The following EHD2 variants were observed in gnomAD, a reference collection of about 807,000 sequenced individuals.
EHD2 encodes the protein EH domain-containing protein 2.
In EHD2, 27 loss-of-function variants were observed where a neutral mutation model predicts 41.0. The observed-to-expected ratio is 0.66, with a 90% CI of 0.49 to 0.91. EHD2 has a LOEUF of 0.91. EHD2 is among the 40% of genes least tolerant of loss of function. EHD2 has a pLI of 0.00. For synonymous variants in EHD2, 342 were observed against 341.0 expected, an observed-to-expected ratio of 1.00 and a Z score of -0.03; for missense variants, 673 against 773.9, an observed-to-expected ratio of 0.87 and a Z score of 1.55.
rs1280679297 is a variant in EHD2 at position 47,738,593 on chromosome 19, C to T, written c.1080+2060C>T. Among the ~76,000 whole-genome samples, 5 of 152,244 alleles carry T rather than the reference C, an allele frequency of 3.3e-5. No homozygotes were observed. The East Asian group carries it at 5.8e-4, about 18-fold the overall frequency. Reference sequence around the variant, plus strand: ...CTGGGATTGCAGGCATGAGCCACTGCGCCCGGCCTGTATTTCATTTTAATT... The same window carrying T: ...CTGGGATTGCAGGCATGAGCCACTGTGCCCGGCCTGTATTTCATTTTAATT... On this transcript the variant is annotated intron_variant, in intron 5 of 5. Coordinates refer to ENST00000263277, the MANE Select transcript of EHD2 (RefSeq NM_014601.4).
In EHD2 at chr19:47,716,252, T is replaced by A. The variant is rs1973623701; in HGVS notation, c.-55-306T>A. ...CACCACCATGCCCAGCTAATTATTT[T>A]TTTTGTAGAGATGGGGGTCTCACTA... On this transcript the variant is annotated intron_variant, in intron 1 of 5. Coordinates refer to ENST00000263277, the MANE Select transcript of EHD2 (RefSeq NM_014601.4). 3.3e-5 allele frequency among the ~76,000 whole-genome samples: 5 copies of A among 151,852 alleles called. No individual in the cohort carries two copies. The South Asian group carries it at 1.0e-3, about 32-fold the overall frequency.
rs375693637 is a variant in EHD2, at chr19:47,718,547, G to A, written c.443G>A (p.Ser148Asn). ...CAQLPNQVLE[S>N]ISIIDTPGIL... ...CAGCTCCCTAATCAGGTCCTGGAGA[G>A]CATCAGCATCATCGACACCCCGGGT... Residue 148 changes from serine to asparagine, a missense_variant, in exon 3 of 6, where the codon AGC becomes AAC. Ser to Asn is a conservative substitution (Grantham distance 46, BLOSUM62 1). Transcript: ENST00000263277. 2 of 1,588,096 alleles carry A rather than the reference G, an allele frequency of 1.3e-6. No homozygotes were observed. The highest frequency in any genetic ancestry group is 1.7e-6 in the Non-Finnish European group (2 of 1,167,006).
Position 47,716,959 on chromosome 19 carries a change from T to C in EHD2, c.347T>C (p.Val116Ala), listed in dbSNP as rs765386742. 7 of 1,606,122 alleles carry C rather than the reference T, an allele frequency of 4.4e-6. No homozygotes were observed. The highest frequency in any genetic ancestry group is 5.9e-6 in the Non-Finnish European group (7 of 1,179,964). The change falls in exon 2 of 6, where the codon GTG becomes GCG. Residue 116 changes from valine to alanine, a missense_variant. Transcript: ENST00000263277. ...ACCGTGCCCGGCAACGCCCTCGTCG[T>C]GGACCCGGACAAGCCCTTCCGCAAA... ...EGTVPGNALVVDPDKPFRKLN... is the reference protein window; with the variant it reads ...EGTVPGNALVADPDKPFRKLN...
chr19:47,729,334 T>A (rs577224275), intron 4 of EHD2, among the ~76,000 whole-genome samples: 14 of 152,164 alleles, frequency 9.2e-5, no homozygotes, highest in African/African-American at 2.9e-4. Context: ...TGTCCGGGAA[T>A]CTGTGCTTTG....
chr19:47,733,767 A>AAAAAAAAAAAAAAAAAAAAAAC (rs1966893830), intron 4 of EHD2, among the ~76,000 whole-genome samples: 2 of 149,480 alleles, frequency 1.3e-5, no homozygotes, highest in Non-Finnish European at 3.0e-5. Flanking sequence ...AAAAAAAAAA[A>AAAAAAAAAAAAAAAAAAAAAAC]AAAAAAAATC....
intron 3 of EHD2, among the ~76,000 whole-genome samples, chr19:47,720,900 G>A (rs979506334): frequency 4.0e-5 from 6 of 151,800 alleles, no homozygotes; most frequent in African/African-American, 7.3e-5. Context: ...GTGTGATTAC[G>A]TCTGTGTGTG....
intron 4 of EHD2, 59 bp downstream of exon 4, chr19:47,726,283 T>C (rs915724865): frequency 6.9e-7 from 1 of 1,443,802 alleles, no homozygotes; most frequent in African/African-American, 1.4e-5. Flanking sequence ...GGTCCTCTCC[T>C]ACCAGTGCTG....
intron 3 of EHD2, among the ~76,000 whole-genome samples, chr19:47,722,587 C>T (rs1359760261): frequency 8.9e-5 from 13 of 146,382 alleles, no homozygotes; most frequent in Middle Eastern, 3.7e-3. Context: ...TTTTTTGAGA[C>T]GGAGTTTCGC....
chr19:47,719,459 G>T lies in EHD2; in HGVS notation c.502+853G>T, dbSNP rs879393696. Reference sequence around the variant, plus strand: ...GGGGTGGATTCCAGCCGGGGCCTCCGGGCGTGCTGAGCCCTCACCACCCCT... The same window carrying T: ...GGGGTGGATTCCAGCCGGGGCCTCCTGGCGTGCTGAGCCCTCACCACCCCT... On this transcript the variant is annotated intron_variant, in intron 3 of 5. Transcript: ENST00000263277. This position sits in a 1 kb window ranked among gnomAD's most constrained non-coding sequence, Gnocchi z 4.1. Among the ~76,000 whole-genome samples, 1 of 152,058 alleles carries T rather than the reference G, an allele frequency of 6.6e-6. No individual in the cohort carries two copies. Among genetic ancestry groups the T allele is most frequent in the Non-Finnish European group, 1.5e-5 (1 of 67,984 alleles).
rs373318886 is a variant in EHD2 at position 47,740,870 on chromosome 19, C to A, written c.1081-11C>A. The A allele has an allele frequency of 6.2e-7, 1 of 1,611,286 alleles. No individual in the cohort carries two copies. The highest frequency in any genetic ancestry group is 1.7e-5 in the Admixed American group (1 of 59,286). On this transcript the variant is annotated splice_polypyrimidine_tract_variant and intron_variant, in intron 5 of 5. Transcript: ENST00000263277. ...CGCTTGAATTCTGGGTGCCCCTGTC[C>A]CCCACCACAGGAGCTGCTGATGGCG...
Position 47,726,219 on chromosome 19 carries a change from G to C in EHD2, c.910G>C (p.Val304Leu), listed in dbSNP as rs1463085708. Reference protein sequence around the residue: ...LNDLVKRARLVRVHAYIISYL... With the variant: ...LNDLVKRARLLRVHAYIISYL... The stretch of plus-strand genomic sequence containing the variant: ...CGACCTGGTGAAGAGGGCCCGGCTG[G>C]TGCGAGTGAGTAGTCCTGAGGGCTG... The change falls in exon 4 of 6, where the codon GTG (valine) becomes CTG (leucine). Residue 304 changes from valine (V) to leucine (L), a missense_variant. By Grantham distance (32) the Val-to-Leu change is conservative (BLOSUM62 1). Transcript: ENST00000263277. The C allele has an allele frequency of 2.0e-6, 3 of 1,506,920 alleles. No individual in the cohort carries two copies. In the Admixed American group the frequency reaches 7.0e-5, roughly 35 times the overall value. 93.3% of individuals were successfully genotyped at this position (1,506,920 alleles called of 1,614,324 possible).
At chr19:47,734,924 G>A (rs922077422) in intron 4 of EHD2, among the ~76,000 whole-genome samples, 2 of 151,700 alleles carry the variant, frequency 1.3e-5, no homozygotes, top group Admixed American at 6.6e-5. Flanking sequence ...ATGGTGGCAC[G>A]TGCCTGTAAT....
At chr19:47,723,813 G>C (rs7249234) in intron 3 of EHD2, among the ~76,000 whole-genome samples, 8,635 of 151,898 alleles carry the variant, frequency 0.057, 835 homozygotes, top group African/African-American at 0.19. Flanking sequence ...GAGTAGCTGA[G>C]ACTACAGATG....
At position 47,728,523 on chromosome 19, in the gene EHD2, G is replaced by A. The variant is rs546541323; in HGVS notation, c.915+2299G>A. ...TCTCCTCTCCTTTCTCTCTTTCTCT[G>A]TTTCTCTTTCTCTCTTTCTTTCTCT... On this transcript the variant is annotated intron_variant, in intron 4 of 5. Coordinates refer to ENST00000263277, the MANE Select transcript of EHD2 (RefSeq NM_014601.4). Among the ~76,000 whole-genome samples the A allele has an allele frequency of 7.0e-4, 102 of 146,120 alleles. 1 individual carries two copies. The South Asian group carries it at 0.021, about 30-fold the overall frequency.
At chr19:47,722,158 A>G (rs925147497) in intron 3 of EHD2, among the ~76,000 whole-genome samples, 1 of 152,190 alleles carries the variant, frequency 6.6e-6, no homozygotes, top group Admixed American at 6.5e-5. Context: ...TGCACACAGT[A>G]GGCGCTATGG....
intron 4 of EHD2, among the ~76,000 whole-genome samples, chr19:47,730,668 G>A (rs1397112568): frequency 6.6e-6 from 1 of 152,138 alleles, no homozygotes; most frequent in Non-Finnish European, 1.5e-5. Context: ...GTACGATGGA[G>A]GGTGTGGACG....
Position 47,716,681 on chromosome 19 carries a change from G to T in EHD2, c.69G>T (p.Ser23=). ...QQPEAIRTVT[S]ALKELYRTKL... is the part of the protein sequence containing the mutation. ...CCGAGGCCATCCGCACGGTGACCTCGGCCCTCAAGGAGCTGTACCGCACGA... is the reference window on the plus strand; with the variant it reads ...CCGAGGCCATCCGCACGGTGACCTCTGCCCTCAAGGAGCTGTACCGCACGA... Residue 23 remains serine (S), a synonymous_variant, in exon 2 of 6, where the codon TCG becomes TCT. Transcript: ENST00000263277. 6.2e-7 allele frequency: 1 copy of T among 1,606,448 alleles called. No individual in the cohort carries two copies.
Position 47,737,879 on chromosome 19 carries a change from T to C in EHD2, c.1080+1346T>C, listed in dbSNP as rs1349821947. ...ACATGCCACCATGCCTGGCTAGCTTTTTTTTTTTTTTTTTTTTTTGAGACA... is the reference window on the plus strand; with the variant it reads ...ACATGCCACCATGCCTGGCTAGCTTCTTTTTTTTTTTTTTTTTTTGAGACA... On this transcript the variant is annotated intron_variant, in intron 5 of 5. Coordinates refer to ENST00000263277, the MANE Select transcript of EHD2 (RefSeq NM_014601.4). 4.4e-5 allele frequency among the ~76,000 whole-genome samples: 6 copies of C among 137,886 alleles called. No individual in the cohort carries two copies. The Admixed American group carries it at 4.4e-4, about 10-fold the overall frequency. 90.5% of individuals were successfully genotyped at this position (137,886 alleles called of 152,430 possible). A position where few individuals can be genotyped will look rare whatever the true frequency, so the allele number is the denominator to read the frequency against.
chr19:47,724,709 C>T (rs1008737939), intron 3 of EHD2, among the ~76,000 whole-genome samples: 2 of 152,034 alleles, frequency 1.3e-5, no homozygotes, highest in African/African-American at 4.8e-5. Context: ...TCCCAGGCTC[C>T]CAGGACAGGG....
Sources: gnomAD v4.1 joint callset for allele counts (sites outside exome capture counted in the v4.1 genomes callset) on GRCh38, gnomAD v4.1.1 for gene constraint, Gnocchi (gnomAD v3.1) non-coding constraint, MANE v1.5 for transcripts, NCBI Gene and HGNC (gene_info 2026-07-23, HGNC 2026-07-21) for gene names.